Variants in DLGAP2 observed in about 807,000 individuals in gnomAD.
DLGAP2 encodes DLG associated protein 2.
DLGAP2 carries 26 observed loss-of-function variants against 100.3 expected under a neutral mutation model. That is an observed-to-expected ratio of 0.26 (90% CI 0.19 to 0.36). DLGAP2 has a LOEUF of 0.36. DLGAP2 is among the 10% of genes least tolerant of loss of function. The pLI, the probability that DLGAP2 is intolerant of heterozygous loss-of-function variation, is 1.00. For missense variants in DLGAP2, 1,858 were observed against 1,453.2 expected (o/e 1.28, Z -4.53); for synonymous variants, 886 against 630.1 (o/e 1.41, Z -6.08).
intron 3 of DLGAP2, among the ~76,000 whole-genome samples, chr8:1,278,207 C>G (rs199593112): frequency 6.6e-6 from 1 of 152,182 alleles, no homozygotes; most frequent in Non-Finnish European, 1.5e-5. Flanking sequence ...ATGCGTCGGA[C>G]AAGCCACTCA....
At chr8:1,216,442 G>A (rs1798214835) in intron 2 of DLGAP2, among the ~76,000 whole-genome samples, 1 of 151,810 alleles carries the variant, frequency 6.6e-6, no homozygotes, top group Non-Finnish European at 1.5e-5. Flanking sequence ...TTGAACTCCT[G>A]GGCTCAGGAG....
chr8:1,642,091 G>C (rs111881576), intron 8 of DLGAP2, among the ~76,000 whole-genome samples: 10 of 12,786 alleles, frequency 7.8e-4, no homozygotes, highest in Non-Finnish European at 9.1e-4. Flanking sequence ...TGTCACCCTC[G>C]AACCCGCCGG....
chr8:1,453,552 T>C (rs148738980), intron 3 of DLGAP2, among the ~76,000 whole-genome samples: 261 of 152,310 alleles, frequency 1.7e-3, no homozygotes, highest in African/African-American at 5.9e-3. Context: ...TGGATTATTC[T>C]TGAGTGCAGT....
intron 2 of DLGAP2, among the ~76,000 whole-genome samples, chr8:1,104,232 G>A (rs1804680184): frequency 1.3e-5 from 2 of 152,154 alleles, no homozygotes. Flanking sequence ...GGTGGCTGGA[G>A]AGGGGCGTGC....
At chr8:771,899 T>A (rs1821371938) in intron 1 of DLGAP2, among the ~76,000 whole-genome samples, 1 of 152,168 alleles carries the variant, frequency 6.6e-6, no homozygotes, top group Non-Finnish European at 1.5e-5. Context: ...TCATCTGCAA[T>A]TTTATTTCAT....
At chr8:940,411 A>G (rs972033112) in intron 2 of DLGAP2, among the ~76,000 whole-genome samples, 23 of 152,060 alleles carry the variant, frequency 1.5e-4, no homozygotes, top group African/African-American at 5.6e-4. Flanking sequence ...GCTGAAGCCC[A>G]GGAGTTCCCT....
chr8:1,613,499 A>G (rs571518985), intron 6 of DLGAP2, among the ~76,000 whole-genome samples: 1 of 151,976 alleles, frequency 6.6e-6, no homozygotes, highest in South Asian at 2.1e-4. Context: ...ATATGTAACT[A>G]ACCTGCACAA....
intron 3 of DLGAP2, among the ~76,000 whole-genome samples, chr8:1,484,675 T>C (rs1799192917): frequency 6.6e-6 from 1 of 152,250 alleles, no homozygotes; most frequent in Non-Finnish European, 1.5e-5. Context: ...AGGCATTTGA[T>C]AGAAAGATAT....
At chr8:893,645 G>A (rs944698082) in intron 1 of DLGAP2, among the ~76,000 whole-genome samples, 14 of 152,322 alleles carry the variant, frequency 9.2e-5, no homozygotes, top group Middle Eastern at 6.8e-3. Flanking sequence ...AGGGAAGTCC[G>A]TTAGGCATGC....
At chr8:1,419,648 C>G (rs79966335) in intron 3 of DLGAP2, among the ~76,000 whole-genome samples, 2,121 of 152,256 alleles carry the variant, frequency 0.014, 48 homozygotes, top group African/African-American at 0.048. Flanking sequence ...AAGTGCAAAT[C>G]AAAACCACAC....
Position 858,474 on chromosome 8 carries a change from C to T in DLGAP2, c.19-49438C>T, listed in dbSNP as rs192144183. On this transcript the variant is annotated intron_variant, in intron 1 of 14. Coordinates refer to ENST00000637795, the MANE Select transcript of DLGAP2 (RefSeq NM_001346810.2). ...CCAGAGGAATTTTATGACAGGGAAGCGCCTCTGTGTGATGCTGTCATCGTG... is the reference window on the plus strand; with the variant it reads ...CCAGAGGAATTTTATGACAGGGAAGTGCCTCTGTGTGATGCTGTCATCGTG... Among the ~76,000 whole-genome samples the T allele has an allele frequency of 8.5e-5, 13 of 152,206 alleles. No homozygotes were observed. In the East Asian group the frequency reaches 1.6e-3, roughly 18 times the overall value.
At chr8:1,453,319 G>A (rs1048852181) in intron 3 of DLGAP2, among the ~76,000 whole-genome samples, 2 of 152,098 alleles carry the variant, frequency 1.3e-5, no homozygotes, top group African/African-American at 4.8e-5. Context: ...CCAAGTGGGA[G>A]AAAAAGTATT....
At chr8:1,350,863 T>TGC (rs1801704048) in intron 3 of DLGAP2, among the ~76,000 whole-genome samples, 2 of 45,868 alleles carry the variant, frequency 4.4e-5, no homozygotes, top group African/African-American at 6.9e-5. Context: ...CCTGACAGTG[T>TGC]GTGGAAAGGC....
At chr8:1,419,766 T>C (rs1159087811) in intron 3 of DLGAP2, among the ~76,000 whole-genome samples, 1 of 152,080 alleles carries the variant, frequency 6.6e-6, no homozygotes, top group African/African-American at 2.4e-5. Flanking sequence ...GGTGAGAATA[T>C]AAATTAGTCT....
At chr8:1,209,055 T>C (rs1210285189) in intron 2 of DLGAP2, among the ~76,000 whole-genome samples, 5 of 152,116 alleles carry the variant, frequency 3.3e-5, no homozygotes, top group Non-Finnish European at 7.4e-5. Context: ...AGAATTAATA[T>C]TGTTAAAATG....
At chr8:826,788 A>G (rs1318600941) in intron 1 of DLGAP2, among the ~76,000 whole-genome samples, 1 of 152,056 alleles carries the variant, frequency 6.6e-6, no homozygotes, top group Non-Finnish European at 1.5e-5. Flanking sequence ...CCTGTGTCCC[A>G]GCTACGTTTG....
chr8:870,987 C>T (rs1326379212), intron 1 of DLGAP2, among the ~76,000 whole-genome samples: 1 of 152,196 alleles, frequency 6.6e-6, no homozygotes, highest in East Asian at 1.9e-4. Context: ...CTGAGCTCAA[C>T]ATTTTCCTTC....
chr8:859,172 C>T (rs915753087), intron 1 of DLGAP2, among the ~76,000 whole-genome samples: 8 of 149,790 alleles, frequency 5.3e-5, no homozygotes, highest in East Asian at 2.0e-4. Flanking sequence ...AGTGCAGTGG[C>T]GCAATCTCAG....
intron 13 of DLGAP2, among the ~76,000 whole-genome samples, chr8:1,694,105 T>A (rs1799320187): frequency 6.6e-6 from 1 of 152,240 alleles, no homozygotes; most frequent in African/African-American, 2.4e-5. Flanking sequence ...AAATTGTTCA[T>A]CCTAATATTT....
Sources: allele counts gnomAD v4.1 joint callset (sites outside exome capture counted in the v4.1 genomes callset), GRCh38; gene constraint gnomAD v4.1.1; transcripts MANE v1.5; gene names NCBI Gene and HGNC (gene_info 2026-07-23, HGNC 2026-07-21).